Variants in OSBP2 observed in about 807,000 individuals in gnomAD.
OSBP2 encodes oxysterol binding protein 2.
OSBP2 carries 66 observed loss-of-function variants against 96.0 expected under a neutral mutation model. The observed-to-expected ratio is 0.69, with a 90% CI of 0.56 to 0.84. OSBP2 has a LOEUF of 0.84. Among genes scored for constraint, OSBP2 ranks in the 40% least tolerant of loss-of-function variants. The pLI is 0.00. For synonymous variants in OSBP2, 525 were observed against 520.9 expected, an observed-to-expected ratio of 1.01 and a Z score of -0.11; for missense variants, 1,038 against 1,222.7, an observed-to-expected ratio of 0.85 and a Z score of 2.25.
At chr22:30,868,562 G>A (rs973360308) in intron 2 of OSBP2, among the ~76,000 whole-genome samples, 12 of 152,250 alleles carry the variant, frequency 7.9e-5, no homozygotes, top group Non-Finnish European at 1.5e-4. Flanking sequence ...TGCTCAGGCC[G>A]CCTGGCTGGC....
chr22:30,789,385 G>C (rs563739050), intron 2 of OSBP2, among the ~76,000 whole-genome samples: 1 of 152,272 alleles, frequency 6.6e-6, no homozygotes, highest in African/African-American at 2.4e-5. Flanking sequence ...CAGAAGCCAG[G>C]ATTTCATAGG....
intron 1 of OSBP2, among the ~76,000 whole-genome samples, chr22:30,708,795 A>G (rs568948465): frequency 6.6e-6 from 1 of 151,500 alleles, no homozygotes; most frequent in African/African-American, 2.4e-5. Flanking sequence ...GGCCAAGGAT[A>G]AGGATTTTAA....
chr22:30,711,233 T>C (rs933235278), intron 1 of OSBP2, among the ~76,000 whole-genome samples: 14 of 152,014 alleles, frequency 9.2e-5, no homozygotes, highest in African/African-American at 2.4e-4. Context: ...TATTTATGTG[T>C]GTTTGTTTTA....
In OSBP2 at chr22:30,796,953, C is replaced by T. The variant is rs1298272392; in HGVS notation, c.853+55584C>T. ...ATAATCCACCTATCCATCTCCTGAACTCCTTTCATTTTCCAAAACTCTTGA... is the reference window on the plus strand; with the variant it reads ...ATAATCCACCTATCCATCTCCTGAATTCCTTTCATTTTCCAAAACTCTTGA... On this transcript the variant is annotated intron_variant, in intron 2 of 13. Coordinates refer to ENST00000332585, the MANE Select transcript of OSBP2 (RefSeq NM_030758.4). 2.0e-5 allele frequency among the ~76,000 whole-genome samples: 3 copies of T among 152,236 alleles called. No individual in the cohort carries two copies. In the East Asian group the frequency reaches 5.8e-4, roughly 29 times the overall value.
intron 2 of OSBP2, among the ~76,000 whole-genome samples, chr22:30,792,475 G>A (rs1333714951): frequency 6.6e-6 from 1 of 152,026 alleles, no homozygotes; most frequent in Non-Finnish European, 1.5e-5. Flanking sequence ...CTACTTACAG[G>A]CCCACGGGTA....
chr22:30,802,809 G>C (rs769972389), intron 2 of OSBP2, among the ~76,000 whole-genome samples: 3 of 152,240 alleles, frequency 2.0e-5, no homozygotes, highest in African/African-American at 2.4e-5. Context: ...TGGGGAGGAG[G>C]CTGGAGGAAT....
At chr22:30,851,874 T>A in intron 2 of OSBP2, among the ~76,000 whole-genome samples, 1 of 152,182 alleles carries the variant, frequency 6.6e-6, no homozygotes, top group South Asian at 2.1e-4. Flanking sequence ...GGTTATTGAA[T>A]TTTCTTAAAT....
chr22:30,761,521 C>T (rs2090204478), intron 2 of OSBP2, among the ~76,000 whole-genome samples: 1 of 152,106 alleles, frequency 6.6e-6, no homozygotes, highest in South Asian at 2.1e-4. Flanking sequence ...CTTGACTGAT[C>T]AGTAGCTTGA....
At position 30,906,320 on chromosome 22, in the gene OSBP2, T is replaced by G. The variant is rs528544450; in HGVS notation, c.2732T>G (p.Met911Arg). 41 of 1,611,434 alleles carry G rather than the reference T, an allele frequency of 2.5e-5. 1 individual carries two copies. The South Asian group carries it at 2.8e-4, about 11-fold the overall frequency. The change falls in exon 14 of 14, where the codon ATG becomes AGG. Residue 911 changes from methionine to arginine, a missense_variant. This residue lies in a region of OSBP2 where 737 missense variants were observed against 913.3 expected (regional missense o/e 0.81). Coordinates refer to ENST00000332585, the MANE Select transcript of OSBP2 (RefSeq NM_030758.4). ...WEAKEKQDWH[M>R]CPNIF is the part of the protein sequence containing the mutation. ...GCCAAGGAGAAGCAAGACTGGCATA[T>G]GTGCCCCAACATCTTCTGAGCGCCA...
chr22:30,814,027 C>T (rs2091049027), intron 2 of OSBP2, among the ~76,000 whole-genome samples: 1 of 152,084 alleles, frequency 6.6e-6, no homozygotes, highest in African/African-American at 2.4e-5. Context: ...GTCTCGAACT[C>T]CTGACCTCAA....
At chr22:30,723,262 A>G (rs1361723044) in intron 1 of OSBP2, among the ~76,000 whole-genome samples, 1 of 151,728 alleles carries the variant, frequency 6.6e-6, no homozygotes, top group African/African-American at 2.4e-5. Flanking sequence ...GCGAACCACA[A>G]AGCCCAGCTA....
rs558902696 is a variant in OSBP2 at position 30,885,573 on chromosome 22, G to C, written c.1108-1853G>C. ...AGACTCTGATGTAGCTTGGTAGAAA[G>C]TGCCAGTCCCACTTCTGCCAGACAA... On this transcript the variant is annotated intron_variant, in intron 3 of 13. Coordinates refer to ENST00000332585, the MANE Select transcript of OSBP2 (RefSeq NM_030758.4). 1.2e-4 allele frequency among the ~76,000 whole-genome samples: 18 copies of C among 152,356 alleles called. No individual in the cohort carries two copies. The South Asian group carries it at 2.9e-3, about 25-fold the overall frequency.
In OSBP2 at chr22:30,847,569, C is replaced by T. The variant is rs534896862; in HGVS notation, c.854-22860C>T. ...TGCTGAGATTACAGGTGTGAGCCAC[C>T]GTGCCCAGCCTAATTCTTAAATATT... On this transcript the variant is annotated intron_variant, in intron 2 of 13. Coordinates refer to ENST00000332585, the MANE Select transcript of OSBP2 (RefSeq NM_030758.4). 5.3e-5 allele frequency among the ~76,000 whole-genome samples: 8 copies of T among 152,256 alleles called. No individual in the cohort carries two copies. In the South Asian group the frequency reaches 1.2e-3, roughly 24 times the overall value.
At chr22:30,722,192 C>G (rs983386864) in intron 1 of OSBP2, among the ~76,000 whole-genome samples, 1 of 152,206 alleles carries the variant, frequency 6.6e-6, no homozygotes, top group Non-Finnish European at 1.5e-5. Flanking sequence ...CTCAAGAGAT[C>G]CCCTTTGTCA....
intron 1 of OSBP2, among the ~76,000 whole-genome samples, chr22:30,698,951 GT>G (rs147401148): frequency 6.6e-6 from 1 of 150,896 alleles, no homozygotes; most frequent in African/African-American, 2.4e-5. Flanking sequence ...TGCAATTTTT[GT>G]TTTTTTTGAG....
chr22:30,778,169 CCTTTTTTTT>C (rs2090461321), intron 2 of OSBP2, among the ~76,000 whole-genome samples: 1 of 124,184 alleles, frequency 8.1e-6, no homozygotes, highest in Non-Finnish European at 1.7e-5. Flanking sequence ...TAATTTTTGC[CCTTTTTTTT>C]TTTTTTTTTT....
chr22:30,767,003 G>A (rs781489365), intron 2 of OSBP2, among the ~76,000 whole-genome samples: 9 of 151,820 alleles, frequency 5.9e-5, no homozygotes, highest in Non-Finnish European at 1.2e-4. Flanking sequence ...TGACAGAGGT[G>A]CAGGTAAAAA....
At chr22:30,843,819 G>T (rs555313084) in intron 2 of OSBP2, among the ~76,000 whole-genome samples, 3 of 152,188 alleles carry the variant, frequency 2.0e-5, no homozygotes, top group Admixed American at 2.0e-4. Context: ...AGTGAGCCAG[G>T]ATCGTGCCAC....
chr22:30,888,549 G>A (rs771884420), intron 5 of OSBP2, among the ~76,000 whole-genome samples: 5 of 152,232 alleles, frequency 3.3e-5, no homozygotes, highest in South Asian at 2.1e-4. Flanking sequence ...GCAACATGGC[G>A]AAACCCTGTC....
Sources: gnomAD v4.1 joint callset for allele counts (sites outside exome capture counted in the v4.1 genomes callset) on GRCh38, gnomAD v4.1.1 for gene constraint, gnomAD v4.1.1 regional missense constraint, MANE v1.5 for transcripts, NCBI Gene and HGNC (gene_info 2026-07-23, HGNC 2026-07-21) for gene names.